DDAH1: variants seen among roughly 807,000 people sequenced by gnomAD.
The protein encoded by DDAH1 is dimethylarginine dimethylaminohydrolase 1.
A neutral mutation model predicts 28.8 loss-of-function variants in DDAH1; 19 were observed. The observed-to-expected ratio is 0.66, with a 90% CI of 0.46 to 0.97. DDAH1 has a LOEUF of 0.97. DDAH1 is among the 50% of genes least tolerant of loss of function. The pLI is 0.00. For synonymous variants in DDAH1, 153 were observed against 154.4 expected (o/e 0.99, Z 0.07); for missense variants, 326 against 375.9 (o/e 0.87, Z 1.10).
At chr1:85,372,771 A>C (rs1279985092) in intron 1 of DDAH1, among the ~76,000 whole-genome samples, 1 of 152,150 alleles carries the variant, frequency 6.6e-6, no homozygotes. Flanking sequence ...TATGAGGCAG[A>C]GTATAATGAA....
chr1:85,424,087 T>A (rs952829991), intron 1 of DDAH1, among the ~76,000 whole-genome samples: 8 of 152,164 alleles, frequency 5.3e-5, no homozygotes, highest in African/African-American at 1.4e-4. Context: ...TGTGTATAAT[T>A]TTTTTATATA....
intron 1 of DDAH1, among the ~76,000 whole-genome samples, chr1:85,556,390 T>C (rs1469660259): frequency 1.3e-5 from 2 of 152,192 alleles, no homozygotes; most frequent in Non-Finnish European, 2.9e-5. Flanking sequence ...CACAAGTCCT[T>C]GCTTGAAAAT....
chr1:85,569,415 C>A (rs17127910), intron 1 of DDAH1, among the ~76,000 whole-genome samples: 4,636 of 152,276 alleles, frequency 0.03, 212 homozygotes, highest in African/African-American at 0.1. Flanking sequence ...TACAAAGGAT[C>A]AAAACCTGGC....
chr1:85,410,135 G>A (rs555452132), intron 1 of DDAH1, among the ~76,000 whole-genome samples: 62 of 151,424 alleles, frequency 4.1e-4, no homozygotes, highest in African/African-American at 1.4e-3. Context: ...ACAAAAATTA[G>A]CCAGGCACAC....
At position 85,524,409 on chromosome 1, in the gene DDAH1, AC is replaced by A. The variant is rs111916182; in HGVS notation, c.-122-28129del. The stretch of plus-strand genomic sequence containing the variant: ...CACTACTTCTGGAGCATTTTGCTTA[AC>A]CCTGGTTGTACAACAGAATAGGCCC... On this transcript the variant is annotated intron_variant, in intron 1 of 6. Transcript: ENST00000426972. 1.5e-4 allele frequency among the ~76,000 whole-genome samples: 22 copies of A among 150,572 alleles called. 1 individual carries two copies. The highest frequency in any genetic ancestry group is 4.9e-4 in the African/African-American group (20 of 40,920).
intron 1 of DDAH1, among the ~76,000 whole-genome samples, chr1:85,549,401 A>G (rs945727922): frequency 2.0e-5 from 3 of 152,214 alleles, no homozygotes; most frequent in African/African-American, 4.8e-5. Flanking sequence ...AGATCTGGAA[A>G]GAGGCCTGGG....
At chr1:85,572,595 C>T (rs1169081395) in intron 1 of DDAH1, among the ~76,000 whole-genome samples, 1 of 152,192 alleles carries the variant, frequency 6.6e-6, no homozygotes. Context: ...AACCATTTAG[C>T]CAATGGGAGG....
chr1:85,332,829 CCCAGCCTGCCA>C (rs990110478), intron 4 of DDAH1, among the ~76,000 whole-genome samples: 1 of 152,206 alleles, frequency 6.6e-6, no homozygotes, highest in African/African-American at 2.4e-5. Context: ...AATAGGCCTG[CCCAGCCTGCCA>C]CCACCACCAC....
chr1:85,551,812 G>A (rs907641424), intron 1 of DDAH1, among the ~76,000 whole-genome samples: 14 of 152,212 alleles, frequency 9.2e-5, no homozygotes. Context: ...AGAAGGTAGA[G>A]AGATGATCAT....
At chr1:85,483,211 CAAAA>C (rs57500608) in intron 2 of DDAH1, among the ~76,000 whole-genome samples, 4 of 96,944 alleles carry the variant, frequency 4.1e-5, no homozygotes, top group Admixed American at 1.1e-4. Flanking sequence ...GAGACTATCT[CAAAA>C]AAAAAAAAAA....
rs749649069 is a variant in DDAH1, at chr1:85,319,691, C to T, written c.*1761G>A. The T allele has an allele frequency of 2.6e-5, 4 of 152,138 alleles. No homozygotes were observed. The highest frequency in any genetic ancestry group is 1.9e-4 in the East Asian group (1 of 5,194). 9.4% of individuals were successfully genotyped at this position (152,138 alleles called of 1,614,324 possible). ...GTTCAAAATATGACAGTGACCAAGA[C>T]GTGGTTTATTCACAGGATGCACATA... On this transcript the variant is annotated 3_prime_UTR_variant, in exon 6 of 6. Transcript: ENST00000284031.
chr1:85,346,604 G>T (rs1056740794), intron 4 of DDAH1, among the ~76,000 whole-genome samples: 1 of 152,124 alleles, frequency 6.6e-6, no homozygotes, highest in Non-Finnish European at 1.5e-5. Context: ...ATTTCATCAG[G>T]TCTCAGTATT....
chr1:85,573,701 A>C (rs564859697), intron 1 of DDAH1, among the ~76,000 whole-genome samples: 1 of 152,344 alleles, frequency 6.6e-6, no homozygotes, highest in African/African-American at 2.4e-5. Context: ...GGGGGACAGG[A>C]AGGAGGGAGA....
intron 1 of DDAH1, among the ~76,000 whole-genome samples, chr1:85,502,926 C>T (rs2100741500): frequency 6.6e-6 from 1 of 152,260 alleles, no homozygotes; most frequent in South Asian, 2.1e-4. Flanking sequence ...GTCAGATCTG[C>T]TTCTCCTTCA....
chr1:85,428,195 G>A (rs1653499984), intron 1 of DDAH1, among the ~76,000 whole-genome samples: 1 of 152,098 alleles, frequency 6.6e-6, no homozygotes, highest in African/African-American at 2.4e-5. Context: ...TATGTGTAGA[G>A]GTTTGATTGG....
intron 1 of DDAH1, among the ~76,000 whole-genome samples, chr1:85,551,017 T>TA (rs1658773229): frequency 6.6e-6 from 1 of 152,216 alleles, no homozygotes; most frequent in Non-Finnish European, 1.5e-5. Flanking sequence ...CTTCAGGGCT[T>TA]AGTCTATGTA....
At position 85,464,893 on chromosome 1, in the gene DDAH1, C is replaced by G. The variant is rs1298133060; in HGVS notation, c.153G>C (p.Val51=). ...GCCCCAGCTTGCTGCCCAGCACGCC[C>G]ACGTAGAGCTGGTGCTGCCGTTCCG... ...ARAERQHQLY[V]GVLGSKLGLQ... The change falls in exon 1 of 6, where the codon GTG becomes GTC. Residue 51 remains valine, a synonymous_variant. Coordinates refer to ENST00000284031, the MANE Select transcript of DDAH1 (RefSeq NM_012137.4). The surrounding 1 kb of genome is among the most constrained non-coding windows in gnomAD (Gnocchi z 4.4). The G allele has an allele frequency of 6.4e-7, 1 of 1,574,112 alleles. No individual in the cohort carries two copies. Among genetic ancestry groups the G allele is most frequent in the African/African-American group, 1.4e-5 (1 of 71,498 alleles).
At chr1:85,524,411 C>T (rs577502160) in intron 1 of DDAH1, among the ~76,000 whole-genome samples, 3 of 150,118 alleles carry the variant, frequency 2.0e-5, no homozygotes, top group Non-Finnish European at 3.0e-5. Context: ...TTTGCTTAAC[C>T]CTGGTTGTAC....
intron 1 of DDAH1, among the ~76,000 whole-genome samples, chr1:85,361,161 A>T (rs1259779139): frequency 1.3e-5 from 2 of 152,134 alleles, no homozygotes; most frequent in African/African-American, 4.8e-5. Flanking sequence ...GGAACCACAC[A>T]CTCTTGGCAT....
Sources: allele counts gnomAD v4.1 joint callset (sites outside exome capture counted in the v4.1 genomes callset), GRCh38; gene constraint gnomAD v4.1.1; non-coding constraint Gnocchi (gnomAD v3.1); transcripts MANE v1.5; gene names NCBI Gene and HGNC (gene_info 2026-07-23, HGNC 2026-07-21).